Variants in GRB10 observed in about 807,000 individuals in gnomAD.
The protein encoded by GRB10 is growth factor receptor bound protein 10.
In GRB10, 20 loss-of-function variants were observed where a neutral mutation model predicts 80.9. That is an observed-to-expected ratio of 0.25 (90% CI 0.17 to 0.36). The LOEUF is 0.36. GRB10 is among the 10% of genes least tolerant of loss of function. The pLI is 1.00. For synonymous variants in GRB10, 291 were observed against 291.5 expected (o/e 1.00, Z 0.02); for missense variants, 548 against 747.7 (o/e 0.73, Z 3.12).
intron 7 of GRB10, among the ~76,000 whole-genome samples, chr7:50,650,930 A>G (rs892388054): frequency 5.9e-5 from 9 of 152,358 alleles, no homozygotes; most frequent in South Asian, 2.1e-4. Flanking sequence ...AGGATATTGC[A>G]AATGTAAATA....
chr7:50,716,966 G>T (rs1214872702), intron 4 of GRB10, among the ~76,000 whole-genome samples: 2 of 152,222 alleles, frequency 1.3e-5, no homozygotes, highest in Non-Finnish European at 2.9e-5. Flanking sequence ...TGGGGCCAGA[G>T]AAAATAAAGG....
chr7:50,735,311 A>G (rs2070599268), intron 3 of GRB10, among the ~76,000 whole-genome samples: 1 of 152,244 alleles, frequency 6.6e-6, no homozygotes, highest in Non-Finnish European at 1.5e-5. Context: ...AGACATAAAT[A>G]AACGGTAAGA....
chr7:50,642,587 C>T (rs1232287000), intron 7 of GRB10, among the ~76,000 whole-genome samples: 2 of 152,090 alleles, frequency 1.3e-5, no homozygotes, highest in South Asian at 4.1e-4. Flanking sequence ...TTTTTAAGTG[C>T]TGACATGATA....
At chr7:50,612,139 T>C (rs2049651732) in intron 13 of GRB10, among the ~76,000 whole-genome samples, 1 of 152,192 alleles carries the variant, frequency 6.6e-6, no homozygotes, top group Non-Finnish European at 1.5e-5. Flanking sequence ...GGAGGTACTG[T>C]CTCTGCTGAG....
chr7:50,627,636 A>T (rs749284555), intron 7 of GRB10, among the ~76,000 whole-genome samples: 1 of 152,254 alleles, frequency 6.6e-6, no homozygotes, highest in Admixed American at 6.5e-5. Context: ...ATCCATGAAC[A>T]CCGAGCAGCT....
At chr7:50,783,668 T>A (rs78671956), upstream of GRB10, among the ~76,000 whole-genome samples, 48 of 152,304 alleles carry the variant, frequency 3.2e-4, no homozygotes, top group Non-Finnish European at 5.6e-4. Flanking sequence ...TAAGCAGATT[T>A]TCTACTCCCC....
chr7:50,757,430 G>C (rs75047864), intron 2 of GRB10, among the ~76,000 whole-genome samples: 2,166 of 152,342 alleles, frequency 0.014, 56 homozygotes, highest in African/African-American at 0.049. Flanking sequence ...AAACACACCA[G>C]CCACCTGCAA....
At chr7:50,773,488 G>GAGGGGAAGGC (rs2077240404) in intron 2 of GRB10, among the ~76,000 whole-genome samples, 1 of 99,000 alleles carries the variant, frequency 1.0e-5, no homozygotes, top group Non-Finnish European at 2.1e-5. Context: ...GAAGGCAGGG[G>GAGGGGAAGGC]AGGGGAGGGG....
intron 6 of GRB10, among the ~76,000 whole-genome samples, chr7:50,673,178 C>T (rs1447552505): frequency 6.6e-6 from 1 of 152,196 alleles, no homozygotes; most frequent in Non-Finnish European, 1.5e-5. Context: ...AGATGGGGTG[C>T]TGAGACAGAA....
chr7:50,783,471 C>CACGT (rs1554322315), upstream of GRB10, among the ~76,000 whole-genome samples: 2 of 149,198 alleles, frequency 1.3e-5, no homozygotes, highest in Non-Finnish European at 3.0e-5. Context: ...CCCACCCACT[C>CACGT]ACATACATAC....
At chr7:50,773,233 C>G (rs1588047796) in intron 2 of GRB10, among the ~76,000 whole-genome samples, 1 of 151,716 alleles carries the variant, frequency 6.6e-6, no homozygotes, top group South Asian at 2.1e-4. Flanking sequence ...CCACCAGGTC[C>G]CTCCCATAGC....
At chr7:50,642,799 T>C (rs1563263130) in intron 7 of GRB10, among the ~76,000 whole-genome samples, 1 of 152,218 alleles carries the variant, frequency 6.6e-6, no homozygotes, top group Non-Finnish European at 1.5e-5. Flanking sequence ...TAGTTTTCTA[T>C]TATAAATATA....
intron 17 of GRB10, among the ~76,000 whole-genome samples, chr7:50,599,295 G>C (rs1220269180): frequency 6.6e-6 from 1 of 152,172 alleles, no homozygotes; most frequent in African/African-American, 2.4e-5. Flanking sequence ...TAAAGCTATG[G>C]AAAATGCTGT....
chr7:50,792,607 G>C, intron 1 of GRB10: 1 of 397,740 alleles, frequency 2.5e-6, no homozygotes, highest in Non-Finnish European at 4.4e-6. Context: ...CCTCAACTTG[G>C]TGTTAGGCCC....
intron 12 of GRB10, among the ~76,000 whole-genome samples, chr7:50,614,288 A>G (rs740333): frequency 0.72 from 109,226 of 152,160 alleles, 40,265 homozygotes; most frequent in African/African-American, 0.9. Context: ...GTGTGTGCAC[A>G]CGTGTGTGTG....
At chr7:50,634,413 AG>A (rs1380505871) in intron 7 of GRB10, among the ~76,000 whole-genome samples, 2 of 152,384 alleles carry the variant, frequency 1.3e-5, no homozygotes, top group East Asian at 3.9e-4. Flanking sequence ...TGGAAACAAA[AG>A]GATGATACTC....
At chr7:50,666,872 C>T (rs1341185829) in intron 7 of GRB10, among the ~76,000 whole-genome samples, 1 of 152,082 alleles carries the variant, frequency 6.6e-6, no homozygotes, top group East Asian at 1.9e-4. Context: ...AACCCCGTCT[C>T]TACTAAAAAT....
intron 13 of GRB10, among the ~76,000 whole-genome samples, chr7:50,610,691 A>C (rs904092771): frequency 1.3e-5 from 2 of 152,228 alleles, no homozygotes; most frequent in Admixed American, 1.3e-4. Context: ...GATAATATGC[A>C]TGTCACTGAG....
chr7:50,633,647 C>CA (rs1435790731), intron 7 of GRB10, among the ~76,000 whole-genome samples: 15 of 150,912 alleles, frequency 9.9e-5, no homozygotes, highest in African/African-American at 2.4e-4. Flanking sequence ...AAAACCAACA[C>CA]AAAAAAACCA....
Sources: allele counts gnomAD v4.1 joint callset (sites outside exome capture counted in the v4.1 genomes callset), GRCh38; gene constraint gnomAD v4.1.1; transcripts MANE v1.5; gene names NCBI Gene and HGNC (gene_info 2026-07-23, HGNC 2026-07-21).